COX17: variants seen among roughly 807,000 people sequenced by gnomAD.
The protein encoded by COX17 is cytochrome c oxidase copper chaperone COX17, also known as cytochrome c oxidase copper chaperone.
In COX17, 1 loss-of-function variant was observed where a neutral mutation model predicts 6.3. The observed-to-expected ratio is 0.16, with a 90% CI of 0.06 to 0.75. COX17 has a LOEUF of 0.75. Ranked by LOEUF, COX17 falls within the 30% of genes least tolerant of loss-of-function variation. The pLI, the probability that COX17 is intolerant of heterozygous loss-of-function variation, is 0.77. For synonymous variants in COX17, 26 were observed against 30.5 expected (o/e 0.85, Z 0.49); for missense variants, 73 against 81.2 (o/e 0.90, Z 0.39).
At chr3:119,675,038 T>A in intron 2 of COX17, 107 bp downstream of exon 2, 1 of 754,948 alleles carries the variant, frequency 1.3e-6, no homozygotes, top group Non-Finnish European at 2.3e-6. Flanking sequence ...TTCAAATTGA[T>A]ACTTAAGCAT....
chr3:119,668,780 C>G (rs1473804726), downstream of COX17, among the ~76,000 whole-genome samples: 2 of 151,920 alleles, frequency 1.3e-5, no homozygotes, highest in Non-Finnish European at 2.9e-5. Context: ...TTCTCAGTAT[C>G]TTTTGTTCTT....
rs747141970 is a variant in COX17, at chr3:119,677,197, C to T, written c.107+7G>A. 6.2e-7 allele frequency: 1 copy of T among 1,606,994 alleles called. No individual in the cohort carries two copies. The highest frequency in any genetic ancestry group is 8.5e-7 in the Non-Finnish European group (1 of 1,177,578). On this transcript the variant is annotated splice_region_variant and intron_variant, in intron 1 of 2. Transcript: ENST00000261070. ...GTCGGCCGCGCCCTCTCCGGCTGCGCACTGACCACGCATCGCGCGCCTTCT... is the reference window on the plus strand; with the variant it reads ...GTCGGCCGCGCCCTCTCCGGCTGCGTACTGACCACGCATCGCGCGCCTTCT...
downstream of COX17, among the ~76,000 whole-genome samples, chr3:119,666,192 A>G (rs1217759488): frequency 6.6e-6 from 1 of 152,194 alleles, no homozygotes; most frequent in African/African-American, 2.4e-5. Flanking sequence ...GTTGATAACT[A>G]TTACTGGTCC....
intron 3 of COX17, among the ~76,000 whole-genome samples, chr3:119,664,325 G>C (rs2052973682): frequency 6.6e-6 from 1 of 152,144 alleles, no homozygotes; most frequent in Non-Finnish European, 1.5e-5. Context: ...TTTGAGACCA[G>C]CCTAGGCAAC....
intron 2 of COX17, among the ~76,000 whole-genome samples, chr3:119,672,485 C>T (rs1577179574): frequency 6.6e-6 from 1 of 152,078 alleles, no homozygotes; most frequent in Admixed American, 6.5e-5. Flanking sequence ...CCCTTTTTAT[C>T]AAGGCAAGTT....
At chr3:119,666,367 A>G (rs2052992820), downstream of COX17, among the ~76,000 whole-genome samples, 2 of 152,136 alleles carry the variant, frequency 1.3e-5, no homozygotes, top group Admixed American at 1.3e-4. Context: ...AAATAACTTG[A>G]GTCTTGGATG....
rs537274114 is a variant in COX17 at position 119,677,148 on chromosome 3, G to T, written c.107+56C>A. ...AGGCCGTAGGGCAGAGGCACCGGAA[G>T]GCACAGGCCGCGGCCCGGGGCTCGT... On this transcript the variant is annotated intron_variant, in intron 1 of 2. Coordinates refer to ENST00000261070, the MANE Select transcript of COX17 (RefSeq NM_005694.2). 105 of 1,417,054 alleles carry T rather than the reference G, an allele frequency of 7.4e-5. No homozygotes were observed. In the South Asian group the frequency reaches 1.2e-3, roughly 16 times the overall value. 87.8% of individuals were successfully genotyped at this position (1,417,054 alleles called of 1,614,324 possible).
intron 2 of COX17, among the ~76,000 whole-genome samples, chr3:119,670,393 C>T (rs1472852802): frequency 6.6e-6 from 1 of 152,176 alleles, no homozygotes; most frequent in African/African-American, 2.4e-5. Context: ...AGATAAACCA[C>T]ATCAAGATAC....
chr3:119,673,390 AT>A (rs1326758047), intron 2 of COX17, among the ~76,000 whole-genome samples: 2 of 152,234 alleles, frequency 1.3e-5, no homozygotes, highest in Non-Finnish European at 2.9e-5. Context: ...GTAATTAAAA[AT>A]ATATGTATCA....
rs141108342 is a variant in COX17 at position 119,677,304 on chromosome 3, C to G, written c.7G>C (p.Gly3Arg). The change falls in exon 1 of 3, where the codon GGT becomes CGT. Residue 3 changes from glycine (G) to arginine (R), a missense_variant. Gly to Arg is a moderately radical substitution (Grantham distance 125). Transcript: ENST00000261070. Reference sequence around the variant, plus strand: ...GGGGCAGGGTTTGAGTCAACCAGACCCGGCATCTTTCGCGCCAAAAGCAGC... The same window carrying G: ...GGGGCAGGGTTTGAGTCAACCAGACGCGGCATCTTTCGCGCCAAAAGCAGC... Reference protein sequence around the residue: MPGLVDSNPAPPE... With the variant: MPRLVDSNPAPPE... The G allele has an allele frequency of 1.9e-6, 3 of 1,611,456 alleles. No individual in the cohort carries two copies. The highest frequency in any genetic ancestry group is 1.1e-5 in the South Asian group (1 of 90,780).
intron 1 of COX17, among the ~76,000 whole-genome samples, chr3:119,675,903 A>G (rs986195777): frequency 4.6e-5 from 7 of 152,224 alleles, no homozygotes; most frequent in African/African-American, 9.7e-5. Flanking sequence ...GGCAAAGGGA[A>G]TTTAACAAAG....
In COX17 at chr3:119,677,332, T is replaced by G; in HGVS notation, c.-22A>C. The G allele has an allele frequency of 1.3e-6, 2 of 1,599,400 alleles. No homozygotes were observed. Among genetic ancestry groups the G allele is most frequent in the Non-Finnish European group, 1.7e-6 (2 of 1,170,826 alleles). On this transcript the variant is annotated 5_prime_UTR_variant, in exon 1 of 3. Coordinates refer to ENST00000261070, the MANE Select transcript of COX17 (RefSeq NM_005694.2). ...GCATCTTTCGCGCCAAAAGCAGCTA[T>G]GAGCGGAGACAGCCAAATCTATGCC...
downstream of COX17, among the ~76,000 whole-genome samples, chr3:119,667,162 G>A (rs749983245): frequency 3.3e-5 from 5 of 152,146 alleles, no homozygotes; most frequent in South Asian, 2.1e-4. Context: ...GAATATATCC[G>A]TATTGAGTTG....
intron 2 of COX17, among the ~76,000 whole-genome samples, chr3:119,671,514 A>G (rs951078541): frequency 3.3e-5 from 5 of 152,254 alleles, no homozygotes; most frequent in Admixed American, 2.6e-4. Context: ...GTGATCTAAC[A>G]GTCTAAGAAA....
In COX17 at chr3:119,677,168, G is replaced by A. The variant is rs573859174; in HGVS notation, c.107+36C>T. 85 of 1,551,408 alleles carry A rather than the reference G, an allele frequency of 5.5e-5. No homozygotes were observed. The East Asian group carries it at 1.9e-3, about 35-fold the overall frequency. ...CGGAAGGCACAGGCCGCGGCCCGGGGCTCGTCGGCCGCGCCCTCTCCGGCT... is the reference window on the plus strand; with the variant it reads ...CGGAAGGCACAGGCCGCGGCCCGGGACTCGTCGGCCGCGCCCTCTCCGGCT... On this transcript the variant is annotated intron_variant, in intron 1 of 2. Transcript: ENST00000261070.
At chr3:119,672,369 T>C (rs977242765) in intron 2 of COX17, among the ~76,000 whole-genome samples, 20 of 152,382 alleles carry the variant, frequency 1.3e-4, no homozygotes, top group Admixed American at 5.9e-4. Context: ...TATGATACTT[T>C]TGAATATATG....
downstream of COX17, among the ~76,000 whole-genome samples, chr3:119,664,916 T>C (rs1176975016): frequency 6.6e-6 from 1 of 152,236 alleles, no homozygotes; most frequent in African/African-American, 2.4e-5. Flanking sequence ...TTTCCTAGTA[T>C]AGATACTAAA....
intron 2 of COX17, among the ~76,000 whole-genome samples, chr3:119,671,901 G>A (rs1577179392): frequency 6.6e-6 from 1 of 152,242 alleles, no homozygotes; most frequent in East Asian, 1.9e-4. Context: ...GGACCAATAA[G>A]GATCCAACAC....
intron 1 of COX17, 91 bp from the exon 2 acceptor site, chr3:119,675,324 G>C: frequency 2.4e-6 from 2 of 844,036 alleles, no homozygotes; most frequent in South Asian, 2.9e-5. Flanking sequence ...CAAAACACGG[G>C]TATAATGGAA....
Sources: allele counts gnomAD v4.1 joint callset (sites outside exome capture counted in the v4.1 genomes callset), GRCh38; gene constraint gnomAD v4.1.1; transcripts MANE v1.5; gene names NCBI Gene and HGNC (gene_info 2026-07-23, HGNC 2026-07-21).